PHACTR3: variants seen among roughly 807,000 people sequenced by gnomAD.
The protein encoded by PHACTR3 is phosphatase and actin regulator 3.
Under a neutral mutation model 66.8 loss-of-function variants are expected in PHACTR3, and 16 were observed. That is an observed-to-expected ratio of 0.24 (90% confidence interval 0.16 to 0.36). PHACTR3 has a LOEUF of 0.36. PHACTR3 is among the 10% of genes least tolerant of loss of function. The probability of loss-of-function intolerance (pLI) is 1.00; values close to 1 mark genes in which losing one functional copy is unlikely to be tolerated. For synonymous variants in PHACTR3, 323 were observed against 292.1 expected, an observed-to-expected ratio of 1.11 and a Z score of -1.08; for missense variants, 647 against 719.9, an observed-to-expected ratio of 0.90 and a Z score of 1.16.
At chr20:59,579,006 C>A (rs1038880448) in intron 1 of PHACTR3, among the ~76,000 whole-genome samples, 8 of 152,162 alleles carry the variant, frequency 5.3e-5, no homozygotes, top group Admixed American at 3.3e-4. Context: ...GGGGCAGAAG[C>A]CCCTCCCCCA....
intron 1 of PHACTR3, among the ~76,000 whole-genome samples, chr20:59,634,217 A>T (rs1392396834): frequency 2.0e-5 from 3 of 152,192 alleles, no homozygotes; most frequent in Non-Finnish European, 4.4e-5. Flanking sequence ...TTTAATTCTC[A>T]TGAGGGACGA....
At chr20:59,627,315 G>C (rs1037440105) in intron 1 of PHACTR3, among the ~76,000 whole-genome samples, 2 of 152,114 alleles carry the variant, frequency 1.3e-5, no homozygotes, top group African/African-American at 2.4e-5. Flanking sequence ...TCCCAAATAA[G>C]CTACCTTCAC....
intron 1 of PHACTR3, among the ~76,000 whole-genome samples, chr20:59,696,798 G>A (rs973187496): frequency 6.6e-6 from 1 of 152,152 alleles, no homozygotes; most frequent in African/African-American, 2.4e-5. Context: ...CAGGGCCTCG[G>A]CTCTGCTTTT....
chr20:59,675,133 C>T (rs1232481490), intron 1 of PHACTR3, among the ~76,000 whole-genome samples: 1 of 103,130 alleles, frequency 9.7e-6, no homozygotes, highest in African/African-American at 3.9e-5. Flanking sequence ...CCACTTACCC[C>T]TCTCCCTCCC....
At chr20:59,623,179 G>A (rs1021355774) in intron 1 of PHACTR3, among the ~76,000 whole-genome samples, 11 of 152,022 alleles carry the variant, frequency 7.2e-5, no homozygotes, top group South Asian at 2.1e-4. Flanking sequence ...AAAGTAGAAC[G>A]CGCGCATGTT....
intron 3 of PHACTR3, among the ~76,000 whole-genome samples, chr20:59,751,481 CAT>C (rs1292209801): frequency 6.6e-6 from 1 of 152,148 alleles, no homozygotes; most frequent in African/African-American, 2.4e-5. Context: ...TGCACACACA[CAT>C]GTACATACAC....
chr20:59,785,822 C>A (rs940929842), intron 7 of PHACTR3, among the ~76,000 whole-genome samples: 15 of 151,582 alleles, frequency 9.9e-5, no homozygotes, highest in African/African-American at 3.6e-4. Flanking sequence ...ATCCTTAAAG[C>A]TGCTTCATTT....
chr20:59,617,777 C>G (rs568728373), intron 1 of PHACTR3, among the ~76,000 whole-genome samples: 95 of 152,180 alleles, frequency 6.2e-4, no homozygotes, highest in Non-Finnish European at 1.2e-3. Flanking sequence ...TGTCATTTCT[C>G]CCTTCGTCCC....
intron 1 of PHACTR3, among the ~76,000 whole-genome samples, chr20:59,663,100 C>T (rs534311273): frequency 5.9e-5 from 9 of 152,342 alleles, no homozygotes; most frequent in East Asian, 3.9e-4. Flanking sequence ...GCCGTGTCAC[C>T]GCAGCCTCTG....
At chr20:59,709,291 C>A (rs1251085768) in intron 1 of PHACTR3, among the ~76,000 whole-genome samples, 1 of 152,180 alleles carries the variant, frequency 6.6e-6, no homozygotes, top group African/African-American at 2.4e-5. Flanking sequence ...TCTTGTCAGG[C>A]TCCCATAAAA....
chr20:59,579,223 C>G (rs920286202), intron 1 of PHACTR3, among the ~76,000 whole-genome samples: 7 of 152,262 alleles, frequency 4.6e-5, no homozygotes, highest in African/African-American at 1.7e-4. Context: ...TTACGCAACT[C>G]CTCACCTGTT....
chr20:59,646,518 C>T (rs372844573), intron 1 of PHACTR3, among the ~76,000 whole-genome samples: 3 of 151,962 alleles, frequency 2.0e-5, no homozygotes, highest in South Asian at 4.1e-4. Flanking sequence ...TTACACTGAA[C>T]GAAGTGAAAA....
At chr20:59,839,272 AAG>A (rs2059016993) in intron 9 of PHACTR3, among the ~76,000 whole-genome samples, 2 of 152,296 alleles carry the variant, frequency 1.3e-5, no homozygotes, top group Admixed American at 6.5e-5. Flanking sequence ...ATTAAGCAGA[AAG>A]AGGATTTCAT....
intron 1 of PHACTR3, among the ~76,000 whole-genome samples, chr20:59,739,828 C>G (rs564362115): frequency 1.8e-4 from 27 of 151,932 alleles, no homozygotes; most frequent in African/African-American, 6.0e-4. Context: ...TCTTGGTGTC[C>G]CATCCTTCTG....
chr20:59,597,129 T>C (rs1403648063), intron 1 of PHACTR3, among the ~76,000 whole-genome samples: 3 of 152,240 alleles, frequency 2.0e-5, no homozygotes, highest in Non-Finnish European at 4.4e-5. Context: ...GAGCTGGTAT[T>C]ATGGAAAGAA....
At chr20:59,672,768 G>A (rs1300088838) in intron 1 of PHACTR3, among the ~76,000 whole-genome samples, 1 of 152,196 alleles carries the variant, frequency 6.6e-6, no homozygotes, top group Non-Finnish European at 1.5e-5. Flanking sequence ...CCTCATCCAC[G>A]AGTCAGGTTA....
In PHACTR3 at chr20:59,841,499, A is replaced by G. The variant is rs746664935; in HGVS notation, c.1551A>G (p.Ala517=). 1.2e-5 allele frequency: 19 copies of G among 1,613,646 alleles called. No homozygotes were observed. In the South Asian group the frequency reaches 2.1e-4, roughly 18 times the overall value. The change falls in exon 11 of 13, where the codon GCA becomes GCG. Residue 517 remains alanine, a synonymous_variant. Transcript: ENST00000371015. The part of the protein sequence containing the change: ...VAKAQDYDRR[A]DKPWTRLSAA... ...AAGCGCAGGACTATGACAGGAGGGCAGACAAACCCTGGACGAGACTGTCAG... is the reference window on the plus strand; with the variant it reads ...AAGCGCAGGACTATGACAGGAGGGCGGACAAACCCTGGACGAGACTGTCAG...
chr20:59,604,850 T>C lies in PHACTR3; in HGVS notation c.-165T>C. ...CCGCCCTGAAGCCAGCCCCGGCGTC[T>C]TTCTCCAGCTCGTTTCCTTTCCCGG... On this transcript the variant is annotated 5_prime_UTR_variant, in exon 1 of 13. Transcript: ENST00000371015. 1 of 1,212,296 alleles carries C rather than the reference T, an allele frequency of 8.2e-7. No individual in the cohort carries two copies. The highest frequency in any genetic ancestry group is 1.0e-6 in the Non-Finnish European group (1 of 977,176). The allele number at this position is 1,212,296 out of a possible 1,614,324, so 75.1% of individuals were successfully genotyped here.
intron 1 of PHACTR3, among the ~76,000 whole-genome samples, chr20:59,731,907 T>G (rs2038779441): frequency 6.6e-6 from 1 of 152,158 alleles, no homozygotes; most frequent in South Asian, 2.1e-4. Flanking sequence ...CAAAAATAAA[T>G]TATTAACACT....
Sources: gnomAD v4.1 joint callset for allele counts (sites outside exome capture counted in the v4.1 genomes callset) on GRCh38, gnomAD v4.1.1 for gene constraint, MANE v1.5 for transcripts, NCBI Gene and HGNC (gene_info 2026-07-23, HGNC 2026-07-21) for gene names.